TRAPPC9: variants seen among roughly 807,000 people sequenced by gnomAD.
The protein encoded by TRAPPC9 is IKK2 binding protein.
In TRAPPC9, 83 loss-of-function variants were observed where a neutral mutation model predicts 124.0. That is an observed-to-expected ratio of 0.67 (90% CI 0.56 to 0.80). TRAPPC9 has a LOEUF of 0.80. Ranked by LOEUF, TRAPPC9 falls within the 30% of genes least tolerant of loss-of-function variation. TRAPPC9 has a pLI of 0.00. For synonymous variants in TRAPPC9, 638 were observed against 617.5 expected (o/e 1.03, Z -0.49); for missense variants, 1,302 against 1,508.3 (o/e 0.86, Z 2.27).
At chr8:140,343,551 T>G (rs1198572081) in intron 9 of TRAPPC9, among the ~76,000 whole-genome samples, 1 of 152,188 alleles carries the variant, frequency 6.6e-6, no homozygotes, top group African/African-American at 2.4e-5. Context: ...CTCTGCACAT[T>G]TCACTTCCTA....
chr8:140,121,049 G>T (rs1203592181), intron 17 of TRAPPC9, among the ~76,000 whole-genome samples: 1 of 152,246 alleles, frequency 6.6e-6, no homozygotes, highest in Non-Finnish European at 1.5e-5. Flanking sequence ...TTTTTTAAGG[G>T]TCAAGGAACA....
chr8:139,921,318 A>C (rs1416829319), intron 19 of TRAPPC9, among the ~76,000 whole-genome samples: 2 of 152,250 alleles, frequency 1.3e-5, no homozygotes, highest in African/African-American at 4.8e-5. Flanking sequence ...TTGGTTCAGC[A>C]GTGTTCAGAG....
At chr8:139,801,455 A>G (rs1823523656) in intron 21 of TRAPPC9, among the ~76,000 whole-genome samples, 1 of 152,178 alleles carries the variant, frequency 6.6e-6, no homozygotes, top group Non-Finnish European at 1.5e-5. Flanking sequence ...GCCCATGCCT[A>G]TGGAGAGGGA....
chr8:139,814,398 A>T (rs1426133768), intron 21 of TRAPPC9, among the ~76,000 whole-genome samples: 2 of 152,200 alleles, frequency 1.3e-5, no homozygotes. Flanking sequence ...TCAGCTTGGG[A>T]GAGCAGACTG....
At chr8:140,345,857 G>A (rs2067334196) in intron 9 of TRAPPC9, among the ~76,000 whole-genome samples, 1 of 152,236 alleles carries the variant, frequency 6.6e-6, no homozygotes. Flanking sequence ...GGGCTGGGGT[G>A]GAGACTCCTG....
chr8:140,231,884 C>T (rs2063607251), intron 16 of TRAPPC9, among the ~76,000 whole-genome samples: 1 of 152,048 alleles, frequency 6.6e-6, no homozygotes, highest in African/African-American at 2.4e-5. Flanking sequence ...CTTCCCAGCC[C>T]TTTAAATTAA....
chr8:139,955,239 A>C (rs1324918347), intron 19 of TRAPPC9, among the ~76,000 whole-genome samples: 4 of 152,046 alleles, frequency 2.6e-5, no homozygotes, highest in Non-Finnish European at 5.9e-5. Context: ...TGATGAAGGA[A>C]TGATCAGGGC....
chr8:139,877,231 A>C (rs1829374487), intron 21 of TRAPPC9, among the ~76,000 whole-genome samples: 1 of 152,270 alleles, frequency 6.6e-6, no homozygotes, highest in Non-Finnish European at 1.5e-5. Context: ...TGGAAGAGGC[A>C]GGCGGAGGGT....
chr8:139,736,224 T>A (rs1244122136), intron 21 of TRAPPC9, among the ~76,000 whole-genome samples: 1 of 152,190 alleles, frequency 6.6e-6, no homozygotes, highest in Non-Finnish European at 1.5e-5. Flanking sequence ...GCACCTGTCT[T>A]GCTCTCTGCT....
intron 21 of TRAPPC9, among the ~76,000 whole-genome samples, chr8:139,752,411 G>GTCCA (rs1214449894): frequency 1.7e-5 from 2 of 115,410 alleles, no homozygotes; most frequent in African/African-American, 3.2e-5. Context: ...CCCATCTACC[G>GTCCA]TCCATCCATC....
At chr8:140,293,445 G>A (rs1215988358) in intron 11 of TRAPPC9, among the ~76,000 whole-genome samples, 2 of 152,102 alleles carry the variant, frequency 1.3e-5, no homozygotes, top group Non-Finnish European at 2.9e-5. Context: ...ATTCACAATA[G>A]CAAAGACTTG....
At chr8:140,147,077 A>G (rs967231152) in intron 17 of TRAPPC9, among the ~76,000 whole-genome samples, 1 of 152,164 alleles carries the variant, frequency 6.6e-6, no homozygotes, top group Non-Finnish European at 1.5e-5. Context: ...TTCTTTCTAC[A>G]TTATTGCCTC....
At chr8:140,368,965 T>A (rs2068201739) in intron 8 of TRAPPC9, among the ~76,000 whole-genome samples, 2 of 152,212 alleles carry the variant, frequency 1.3e-5, no homozygotes, top group Admixed American at 1.3e-4. Context: ...CCATGCCAAA[T>A]CTGGCCACCA....
chr8:140,074,496 AG>A (rs1843377419), intron 17 of TRAPPC9, among the ~76,000 whole-genome samples: 1 of 152,180 alleles, frequency 6.6e-6, no homozygotes, highest in Admixed American at 6.5e-5. Flanking sequence ...GTCCCTCCGT[AG>A]GGGAAGGAAG....
intron 17 of TRAPPC9, among the ~76,000 whole-genome samples, chr8:140,116,484 A>T (rs1211828237): frequency 6.6e-6 from 1 of 152,198 alleles, no homozygotes; most frequent in Non-Finnish European, 1.5e-5. Context: ...GAGAGAAGGT[A>T]AGACTTGTAC....
At chr8:139,982,140 T>C (rs1836945051) in intron 19 of TRAPPC9, among the ~76,000 whole-genome samples, 1 of 95,224 alleles carries the variant, frequency 1.1e-5, no homozygotes, top group Non-Finnish European at 2.0e-5. Flanking sequence ...CCAGTAAATT[T>C]GCTGCTGCTG....
intron 19 of TRAPPC9, among the ~76,000 whole-genome samples, chr8:139,923,817 C>A (rs905265871): frequency 2.1e-4 from 32 of 152,208 alleles, no homozygotes; most frequent in Non-Finnish European, 7.3e-5. Flanking sequence ...GGTTTTAAGG[C>A]AGTGAAATGC....
chr8:139,785,783 T>C (rs948530046), intron 21 of TRAPPC9, among the ~76,000 whole-genome samples: 2 of 151,920 alleles, frequency 1.3e-5, no homozygotes, highest in Admixed American at 6.6e-5. Flanking sequence ...TAAACATTCC[T>C]GATCTCAAAA....
At chr8:140,086,159 G>C (rs1844172900) in intron 17 of TRAPPC9, among the ~76,000 whole-genome samples, 1 of 152,178 alleles carries the variant, frequency 6.6e-6, no homozygotes, top group Non-Finnish European at 1.5e-5. Context: ...GTGTGCTGGA[G>C]AGCGGGTATG....
Sources: allele counts gnomAD v4.1 joint callset (sites outside exome capture counted in the v4.1 genomes callset), GRCh38; gene constraint gnomAD v4.1.1; transcripts MANE v1.5; gene names NCBI Gene and HGNC (gene_info 2026-07-23, HGNC 2026-07-21).